Variants in MEGF10 observed in about 807,000 individuals in gnomAD.
MEGF10 encodes the protein multiple EGF like domains 10, also known as multiple epidermal growth factor-like domains protein 10.
A neutral mutation model predicts 147.5 loss-of-function variants in MEGF10; 86 were observed. That is an observed-to-expected ratio of 0.58 (90% CI 0.49 to 0.70). The LOEUF (loss-of-function observed/expected upper bound fraction) is 0.70. MEGF10 is among the 30% of genes least tolerant of loss of function. MEGF10 has a pLI of 0.00. For synonymous variants in MEGF10, 478 were observed against 525.5 expected (o/e 0.91, Z 1.24); for missense variants, 1,329 against 1,487.3 (o/e 0.89, Z 1.75).
chr5:127,246,813 A>G, the MEGF10 span, among the ~76,000 whole-genome samples: 1 of 138,488 alleles, frequency 7.2e-6, no homozygotes, highest in Non-Finnish European at 1.5e-5. Flanking sequence ...AATATTTAAA[A>G]TAATAGATAA....
At chr5:127,269,669 G>A in the MEGF10 span, among the ~76,000 whole-genome samples, 1 of 151,956 alleles carries the variant, frequency 6.6e-6, no homozygotes, top group East Asian at 1.9e-4. Context: ...CACTCTTCAG[G>A]ATATTATCCA....
In MEGF10 at chr5:127,445,606, C is replaced by T. The variant is rs1465862903; in HGVS notation, c.2641C>T (p.His881Tyr). The change falls in exon 20 of 25, where the codon CAC (histidine) becomes TAC (tyrosine). Residue 881 changes from histidine to tyrosine, a missense_variant. His to Tyr is a moderately conservative substitution (Grantham distance 83). Around this residue, in one of 3 missense-constraint regions of MEGF10, gnomAD observed 343 missense variants for 377.9 expected, o/e 0.91. Coordinates refer to ENST00000503335, the MANE Select transcript of MEGF10 (RefSeq NM_001256545.2). ...FLLALFIIYR[H>Y]KQKGKESSMP... ...ACTGGCATTGTTCATTATTTATAGA[C>T]ACAAGCAGAAGGGAAAGGAATCAAG... 1 of 1,614,032 alleles carries T rather than the reference C, an allele frequency of 6.2e-7. No homozygotes were observed. Among genetic ancestry groups the T allele is most frequent in the Non-Finnish European group, 8.5e-7 (1 of 1,180,010 alleles).
chr5:127,277,058 G>A, the MEGF10 span, among the ~76,000 whole-genome samples: 7 of 152,172 alleles, frequency 4.6e-5, no homozygotes, highest in Non-Finnish European at 1.0e-4. Context: ...AGTATCTGAA[G>A]TATAGAGCAA....
chr5:127,269,263 G>T, the MEGF10 span, among the ~76,000 whole-genome samples: 2 of 152,250 alleles, frequency 1.3e-5, no homozygotes, highest in African/African-American at 4.8e-5. Flanking sequence ...GTTGAAAGAA[G>T]AAGGCTTCAG....
At chr5:127,426,803 C>T (rs755900489) in intron 13 of MEGF10, among the ~76,000 whole-genome samples, 10 of 152,230 alleles carry the variant, frequency 6.6e-5, no homozygotes, top group Non-Finnish European at 1.2e-4. Context: ...AGCCAGAACA[C>T]CCATTTGCTG....
chr5:127,357,794 A>G (rs1349990940), intron 4 of MEGF10, among the ~76,000 whole-genome samples: 2 of 152,124 alleles, frequency 1.3e-5, no homozygotes, highest in African/African-American at 4.8e-5. Flanking sequence ...AAACAATTTT[A>G]ACTTAAAACT....
chr5:127,284,244 C>A, the MEGF10 span, among the ~76,000 whole-genome samples: 1 of 152,082 alleles, frequency 6.6e-6, no homozygotes, highest in Non-Finnish European at 1.5e-5. Context: ...GGGCCAAGAA[C>A]CCCACCTTTC....
chr5:127,298,239 G>C (rs1327183860), intron 1 of MEGF10, among the ~76,000 whole-genome samples: 2 of 152,136 alleles, frequency 1.3e-5, no homozygotes, highest in Non-Finnish European at 2.9e-5. Context: ...CTGTCCTGCT[G>C]TCCCTGCACT....
intron 4 of MEGF10, among the ~76,000 whole-genome samples, chr5:127,348,532 A>C (rs2126815168): frequency 6.6e-6 from 1 of 152,278 alleles, no homozygotes; most frequent in South Asian, 2.1e-4. Context: ...TTAAACGTGA[A>C]GTTTGTGTGC....
chr5:127,318,358 A>G (rs1245254500), intron 1 of MEGF10, among the ~76,000 whole-genome samples: 2 of 152,210 alleles, frequency 1.3e-5, no homozygotes, highest in Non-Finnish European at 2.9e-5. Flanking sequence ...AAACTGAGGG[A>G]TAAAAACTTG....
intron 4 of MEGF10, among the ~76,000 whole-genome samples, chr5:127,355,076 G>A (rs767839410): frequency 6.6e-6 from 1 of 152,160 alleles, no homozygotes; most frequent in Non-Finnish European, 1.5e-5. Context: ...TCTTTAGGCT[G>A]AGAGGAGCTG....
intron 11 of MEGF10, among the ~76,000 whole-genome samples, 157 bp from the exon 12 acceptor site, chr5:127,419,887 G>T (rs961912952): frequency 2.6e-5 from 4 of 152,182 alleles, no homozygotes; most frequent in African/African-American, 9.7e-5. Flanking sequence ...GTTCATTTCT[G>T]ATGGAGGCCT....
At chr5:127,364,395 C>T (rs1243987079) in intron 4 of MEGF10, among the ~76,000 whole-genome samples, 2 of 152,124 alleles carry the variant, frequency 1.3e-5, no homozygotes, top group African/African-American at 4.8e-5. Context: ...TTTCTGAAAC[C>T]TCTCTTATTA....
At chr5:127,234,989 G>T in the MEGF10 span, among the ~76,000 whole-genome samples, 1 of 152,044 alleles carries the variant, frequency 6.6e-6, no homozygotes, top group South Asian at 2.1e-4. Context: ...GATTACAGGC[G>T]CATGCCACCA....
intron 4 of MEGF10, among the ~76,000 whole-genome samples, chr5:127,360,993 A>G (rs925721946): frequency 7.9e-5 from 12 of 151,934 alleles, no homozygotes; most frequent in South Asian, 2.1e-4. Context: ...ACTTGTTTGT[A>G]GTTTGTTTCT....
chr5:127,438,056 C>T (rs1015421620), intron 16 of MEGF10, among the ~76,000 whole-genome samples: 1 of 152,162 alleles, frequency 6.6e-6, no homozygotes, highest in Non-Finnish European at 1.5e-5. Context: ...GCCTCCCCTA[C>T]CAAAATAGAA....
chr5:127,433,232 T>C (rs1327228217), intron 13 of MEGF10, 131 bp from the exon 14 acceptor site: 13 of 1,025,912 alleles, frequency 1.3e-5, no homozygotes, highest in Admixed American at 1.0e-4. Context: ...TATAAGATGG[T>C]AACTCTCCAT....
At chr5:127,450,884 A>G (rs1271173637) in intron 22 of MEGF10, among the ~76,000 whole-genome samples, 1 of 151,876 alleles carries the variant, frequency 6.6e-6, no homozygotes, top group East Asian at 1.9e-4. Context: ...TTAGCCTCCC[A>G]AGCAGCTGGG....
the MEGF10 span, among the ~76,000 whole-genome samples, chr5:127,230,798 AT>A: frequency 6.6e-6 from 1 of 152,158 alleles, no homozygotes; most frequent in Non-Finnish European, 1.5e-5. Context: ...GTCATTTTAA[AT>A]CTTGTGTTAT....
Sources: gnomAD v4.1 joint callset for allele counts (sites outside exome capture counted in the v4.1 genomes callset) on GRCh38, gnomAD v4.1.1 for gene constraint, gnomAD v4.1.1 regional missense constraint, MANE v1.5 for transcripts, NCBI Gene and HGNC (gene_info 2026-07-23, HGNC 2026-07-21) for gene names.